KIAA0232: variants seen among roughly 807,000 people sequenced by gnomAD.
The protein encoded by KIAA0232 is uncharacterized protein KIAA0232.
A neutral mutation model predicts 122.0 loss-of-function variants in KIAA0232; 27 were observed. That is an observed-to-expected ratio of 0.22 (90% CI 0.16 to 0.31). KIAA0232 has a LOEUF of 0.31. Ranked by LOEUF, KIAA0232 falls within the 10% of genes least tolerant of loss-of-function variation. The probability of loss-of-function intolerance (pLI) is 1.00; values close to 1 mark genes in which losing one functional copy is unlikely to be tolerated. For missense variants in KIAA0232, 1,551 were observed against 1,634.2 expected, an observed-to-expected ratio of 0.95 and a Z score of 0.88; for synonymous variants, 613 against 587.6, an observed-to-expected ratio of 1.04 and a Z score of -0.63.
intron 2 of KIAA0232, among the ~76,000 whole-genome samples, chr4:6,823,301 G>A (rs973927957): frequency 3.3e-5 from 5 of 152,164 alleles, no homozygotes; most frequent in African/African-American, 9.6e-5. Flanking sequence ...CCCAGTAATG[G>A]GATGGCTGGG....
At chr4:6,842,383 A>G (rs777001347) in intron 4 of KIAA0232, among the ~76,000 whole-genome samples, 179 bp downstream of exon 4, 151 of 152,230 alleles carry the variant, frequency 9.9e-4, no homozygotes, top group Non-Finnish European at 1.9e-3. Context: ...CTGAAGTTTT[A>G]TATGCTTTTC....
rs1720539022 is a variant in KIAA0232 at position 6,855,801 on chromosome 4, A to C, written c.370-1363A>C. 1 of 979,622 alleles carries C rather than the reference A, an allele frequency of 1.0e-6. No homozygotes were observed. The highest frequency in any genetic ancestry group is 4.7e-5 in the South Asian group (1 of 21,176). 60.7% of individuals were successfully genotyped at this position (979,622 alleles called of 1,614,324 possible). ...ACCTAGTGACATAGGCTTGCTGTACAGAACAGTATGCAGTGTGTCAGCTGA... is the reference window on the plus strand; with the variant it reads ...ACCTAGTGACATAGGCTTGCTGTACCGAACAGTATGCAGTGTGTCAGCTGA... On this transcript the variant is annotated intron_variant, in intron 4 of 9. Transcript: ENST00000307659. This position sits in a 1 kb window ranked among gnomAD's most constrained non-coding sequence, Gnocchi z 4.3.
chr4:6,817,069 G>C (rs79294427), intron 2 of KIAA0232, among the ~76,000 whole-genome samples: 1 of 151,944 alleles, frequency 6.6e-6, no homozygotes, highest in East Asian at 1.9e-4. Context: ...TCTGCTCTGA[G>C]CTTTTTTCTG....
chr4:6,814,143 A>G (rs1718007009), intron 2 of KIAA0232, among the ~76,000 whole-genome samples: 1 of 152,162 alleles, frequency 6.6e-6, no homozygotes, highest in Admixed American at 6.5e-5. Context: ...CGTAGTTTAA[A>G]TGTATGGAGA....
intron 2 of KIAA0232, among the ~76,000 whole-genome samples, chr4:6,820,100 G>C (rs1718350103): frequency 1.3e-5 from 2 of 152,116 alleles, no homozygotes; most frequent in African/African-American, 4.8e-5. Flanking sequence ...GACTGCTATA[G>C]TGATGAGGGA....
chr4:6,843,667 G>T (rs1036783674), intron 4 of KIAA0232, among the ~76,000 whole-genome samples: 1 of 152,100 alleles, frequency 6.6e-6, no homozygotes, highest in African/African-American at 2.4e-5. Context: ...CTACTTCGGA[G>T]GCTGAGGCAG....
chr4:6,844,197 C>T (rs1237734037), intron 4 of KIAA0232, among the ~76,000 whole-genome samples: 2 of 152,016 alleles, frequency 1.3e-5, no homozygotes, highest in African/African-American at 2.4e-5. Flanking sequence ...GCCTCAGCCT[C>T]CCAAAGTGCT....
Position 6,860,939 on chromosome 4 carries a change from T to G in KIAA0232, c.557T>G (p.Val186Gly). 1.2e-6 allele frequency: 2 copies of G among 1,614,082 alleles called. No homozygotes were observed. Among genetic ancestry groups the G allele is most frequent in the Non-Finnish European group, 1.7e-6 (2 of 1,179,990 alleles). Residue 186 changes from valine (V) to glycine (G), a missense_variant, in exon 7 of 10, where the codon GTT becomes GGT. Transcript: ENST00000307659. Reference protein sequence around the residue: ...EAFPPLSEKPVCLQEIMTVWN... With the variant: ...EAFPPLSEKPGCLQEIMTVWN... ...TTTCCACCACTTTCTGAGAAACCAG[T>G]TTGCCTGCAAGAAATCATGACTGTG...
At chr4:6,818,895 C>T (rs897268378) in intron 2 of KIAA0232, among the ~76,000 whole-genome samples, 10 of 151,964 alleles carry the variant, frequency 6.6e-5, no homozygotes, top group South Asian at 4.2e-4. Context: ...ACCAATGGAA[C>T]GGAATAGAGA....
At position 6,824,426 on chromosome 4, in the gene KIAA0232, A is replaced by G; in HGVS notation, c.-28A>G. The G allele has an allele frequency of 1.3e-6, 2 of 1,576,728 alleles. No homozygotes were observed. Among genetic ancestry groups the G allele is most frequent in the Non-Finnish European group, 1.7e-6 (2 of 1,146,018 alleles). ...ATATCAACTGCAGAAAATGCTTCAC[A>G]TTTTAAGGATGTCGGCAACCTAAAT... On this transcript the variant is annotated 5_prime_UTR_variant, in exon 3 of 10. Coordinates refer to ENST00000307659, the MANE Select transcript of KIAA0232 (RefSeq NM_014743.3).
chr4:6,875,690 G>A (rs1721713919), intron 8 of KIAA0232, among the ~76,000 whole-genome samples: 2 of 152,140 alleles, frequency 1.3e-5, no homozygotes, highest in South Asian at 2.1e-4. Context: ...GGGGATGGGG[G>A]GTGTGATCTG....
chr4:6,824,341 C>T lies in KIAA0232; in HGVS notation c.-113C>T. On this transcript the variant is annotated 5_prime_UTR_variant, in exon 3 of 10. Transcript: ENST00000307659. Reference sequence around the variant, plus strand: ...CTACCAGCAAAAATAAATGCTTATCCTACATGTCAAGCATCTCTACTTTTT... The same window carrying T: ...CTACCAGCAAAAATAAATGCTTATCTTACATGTCAAGCATCTCTACTTTTT... The T allele has an allele frequency of 3.4e-6, 3 of 875,942 alleles. No individual in the cohort carries two copies. The highest frequency in any genetic ancestry group is 5.7e-6 in the Non-Finnish European group (3 of 523,558). The allele number at this position is 875,942 out of a possible 1,614,324, so 54.3% of individuals were successfully genotyped here.
chr4:6,879,248 C>G (rs1721927625), intron 9 of KIAA0232, among the ~76,000 whole-genome samples: 1 of 152,138 alleles, frequency 6.6e-6, no homozygotes, highest in Non-Finnish European at 1.5e-5. Flanking sequence ...CACAACGACC[C>G]TGTGAGGTAG....
intron 3 of KIAA0232, among the ~76,000 whole-genome samples, chr4:6,825,508 T>G (rs955069006): frequency 1.3e-5 from 2 of 151,992 alleles, no homozygotes; most frequent in Admixed American, 6.6e-5. Flanking sequence ...TCAGCCATGA[T>G]TGCGCCATTG....
At chr4:6,845,682 T>C (rs1397599130) in intron 4 of KIAA0232, among the ~76,000 whole-genome samples, 1 of 151,912 alleles carries the variant, frequency 6.6e-6, no homozygotes, top group East Asian at 1.9e-4. Context: ...AAAGAAAATA[T>C]GGGTAGTGCA....
chr4:6,789,275 C>CT (rs202133345), intron 1 of KIAA0232, among the ~76,000 whole-genome samples: 137 of 126,478 alleles, frequency 1.1e-3, no homozygotes, highest in Middle Eastern at 0.011. Flanking sequence ...CCGGCCTTTT[C>CT]TTTTTTTTTT....
Position 6,824,518 on chromosome 4 carries a change from C to G in KIAA0232, c.65C>G (p.Pro22Arg). ...TCTGAAAGCTCCTCAAGTTCTTATC[C>G]AGGCCCTGTGTCTGTTTCTGAAATG... Reference protein sequence around the residue: ...LPSESSSSSYPGPVSVSEMSL... With the variant: ...LPSESSSSSYRGPVSVSEMSL... Residue 22 changes from proline (P) to arginine (R), a missense_variant, in exon 3 of 10, where the codon CCA becomes CGA. Physicochemically the swap from Pro to Arg is moderately radical, Grantham distance 103. This residue lies in a region of KIAA0232 where 37 missense variants were observed against 28.5 expected (regional missense o/e 1.30). Coordinates refer to ENST00000307659, the MANE Select transcript of KIAA0232 (RefSeq NM_014743.3). 6.2e-7 allele frequency: 1 copy of G among 1,614,162 alleles called. No individual in the cohort carries two copies. Among genetic ancestry groups the G allele is most frequent in the Non-Finnish European group, 8.5e-7 (1 of 1,180,020 alleles).
intron 2 of KIAA0232, among the ~76,000 whole-genome samples, chr4:6,819,572 C>T (rs1006570199): frequency 2.0e-5 from 3 of 152,128 alleles, no homozygotes; most frequent in South Asian, 2.1e-4. Flanking sequence ...TCACAACAGT[C>T]AGAATGGCTG....
chr4:6,882,349 C>G lies in KIAA0232; in HGVS notation c.*1383C>G, dbSNP rs748501931. 3 of 152,210 alleles carry G rather than the reference C, an allele frequency of 2.0e-5. No individual in the cohort carries two copies. The highest frequency in any genetic ancestry group is 3.8e-4 in the East Asian group (2 of 5,196). The allele number at this position is 152,210 out of a possible 1,614,324, so 9.4% of individuals were successfully genotyped here. ...GAAAAGTCTGATGCGCTCTAGACAG[C>G]TTCACCACTCATTTGGGCAGGCAGT... On this transcript the variant is annotated 3_prime_UTR_variant, in exon 10 of 10. Coordinates refer to ENST00000307659, the MANE Select transcript of KIAA0232 (RefSeq NM_014743.3).
Sources: allele counts gnomAD v4.1 joint callset (sites outside exome capture counted in the v4.1 genomes callset), GRCh38; gene constraint gnomAD v4.1.1; regional missense constraint gnomAD v4.1.1; non-coding constraint Gnocchi (gnomAD v3.1); transcripts MANE v1.5; gene names NCBI Gene and HGNC (gene_info 2026-07-23, HGNC 2026-07-21).